AGPS: variants seen among roughly 807,000 people sequenced by gnomAD.
AGPS encodes alkyldihydroxyacetonephosphate synthase, peroxisomal.
A neutral mutation model predicts 90.7 loss-of-function variants in AGPS; 26 were observed. The ratio of observed to expected loss-of-function variants is 0.29; its 90% confidence interval spans 0.21 to 0.40. The LOEUF (loss-of-function observed/expected upper bound fraction) is 0.40, where lower values mean the gene tolerates loss of function less well. Ranked by LOEUF, AGPS falls within the 10% of genes least tolerant of loss-of-function variation. The pLI is 1.00. For synonymous variants in AGPS, 294 were observed against 285.3 expected, an observed-to-expected ratio of 1.03 and a Z score of -0.31; for missense variants, 540 against 816.1, an observed-to-expected ratio of 0.66 and a Z score of 4.12.
intron 2 of AGPS, among the ~76,000 whole-genome samples, chr2:177,422,534 C>G (rs1283636090): frequency 6.6e-6 from 1 of 152,074 alleles, no homozygotes; most frequent in Non-Finnish European, 1.5e-5. Flanking sequence ...ACTGGAAGAG[C>G]CTGCAAGGGA....
intron 17 of AGPS, among the ~76,000 whole-genome samples, chr2:177,516,745 A>C (rs896470028): frequency 6.6e-6 from 1 of 152,104 alleles, no homozygotes; most frequent in African/African-American, 2.4e-5. Flanking sequence ...AATGTTAGTG[A>C]TTCTCTTATG....
chr2:177,525,645 T>C (rs1026808219), intron 19 of AGPS, among the ~76,000 whole-genome samples: 3 of 152,178 alleles, frequency 2.0e-5, no homozygotes, highest in Non-Finnish European at 2.9e-5. Flanking sequence ...CTTTAGGTAA[T>C]TGGTTATTAG....
chr2:177,529,312 G>GA (rs946214647), intron 19 of AGPS, among the ~76,000 whole-genome samples: 1 of 151,484 alleles, frequency 6.6e-6, no homozygotes, highest in African/African-American at 2.4e-5. Flanking sequence ...CAAAAACTAA[G>GA]AAAAAAAACT....
intron 16 of AGPS, 147 bp from the exon 17 acceptor site, chr2:177,513,672 G>T: frequency 1.5e-6 from 1 of 650,390 alleles, no homozygotes; most frequent in Non-Finnish European, 2.7e-6. Context: ...AGTGATCAGG[G>T]CTCTTTTCCA....
At chr2:177,416,717 G>A (rs1669397250) in intron 1 of AGPS, among the ~76,000 whole-genome samples, 1 of 151,898 alleles carries the variant, frequency 6.6e-6, no homozygotes, top group Non-Finnish European at 1.5e-5. Context: ...TTGTAGTAGA[G>A]ATGGGGTTTC....
At chr2:177,476,159 C>G (rs1441066067) in intron 10 of AGPS, among the ~76,000 whole-genome samples, 1 of 151,464 alleles carries the variant, frequency 6.6e-6, no homozygotes, top group Non-Finnish European at 1.5e-5. Context: ...TATTGGTTTT[C>G]TATCCTTGAT....
At chr2:177,436,743 G>T (rs368566340) in intron 3 of AGPS, 21 bp from the exon 4 acceptor site, 20 of 1,608,332 alleles carry the variant, frequency 1.2e-5, no homozygotes, top group Non-Finnish European at 1.7e-5. Flanking sequence ...ATAAGTCAAA[G>T]AAATCAATTT....
chr2:177,462,516 G>A (rs1315260999), intron 9 of AGPS, among the ~76,000 whole-genome samples: 1 of 151,890 alleles, frequency 6.6e-6, no homozygotes, highest in African/African-American at 2.4e-5. Flanking sequence ...ACACAACTGT[G>A]GTCATTATTT....
Position 177,513,028 on chromosome 2 carries a change from A to G in AGPS, c.1608-791A>G, listed in dbSNP as rs1688923522. Among the ~76,000 whole-genome samples the G allele has an allele frequency of 2.0e-5, 3 of 152,090 alleles. No homozygotes were observed. The South Asian group carries it at 6.2e-4, about 32-fold the overall frequency. ...CCAACTAATTTTTTTGATTTTTAGT[A>G]GAGACAAGGTCTCACTATATTGCCC... is the stretch of plus-strand genomic sequence containing the variant. On this transcript the variant is annotated intron_variant, in intron 16 of 19. Coordinates refer to ENST00000264167, the MANE Select transcript of AGPS (RefSeq NM_003659.4).
intron 1 of AGPS, among the ~76,000 whole-genome samples, chr2:177,409,793 C>T (rs555161764): frequency 6.6e-6 from 1 of 152,084 alleles, no homozygotes; most frequent in Non-Finnish European, 1.5e-5. Flanking sequence ...TTTGAAGAAC[C>T]ATTTATACTT....
At chr2:177,464,363 T>C (rs1687385927) in intron 9 of AGPS, among the ~76,000 whole-genome samples, 1 of 152,232 alleles carries the variant, frequency 6.6e-6, no homozygotes, top group Admixed American at 6.5e-5. Flanking sequence ...TTTTAATACA[T>C]GTGGCTACAA....
At chr2:177,414,509 A>G (rs962181749) in intron 1 of AGPS, among the ~76,000 whole-genome samples, 9 of 152,156 alleles carry the variant, frequency 5.9e-5, no homozygotes, top group African/African-American at 2.2e-4. Context: ...GGCCTTAAAA[A>G]GTTTTTTAGA....
chr2:177,399,625 A>G (rs1489852867), intron 1 of AGPS, among the ~76,000 whole-genome samples: 1 of 152,150 alleles, frequency 6.6e-6, no homozygotes, highest in Non-Finnish European at 1.5e-5. Context: ...GTAGAGCCTA[A>G]CACATGCTAC....
In AGPS at chr2:177,458,126, A is replaced by G. The variant is rs531751512; in HGVS notation, c.871-3767A>G. On this transcript the variant is annotated intron_variant, in intron 8 of 19. Coordinates refer to ENST00000264167, the MANE Select transcript of AGPS (RefSeq NM_003659.4). ...TCAATAGATGCAGAAAAGGCCTTCA[A>G]TAAAATTCAACACCCCTTCATGCTA... 2.6e-5 allele frequency among the ~76,000 whole-genome samples: 4 copies of G among 152,352 alleles called. No homozygotes were observed. In the East Asian group the frequency reaches 5.8e-4, roughly 22 times the overall value.
At position 177,434,341 on chromosome 2, in the gene AGPS, G is replaced by T; in HGVS notation, c.365G>T (p.Gly122Val). 1 of 1,610,978 alleles carries T rather than the reference G, an allele frequency of 6.2e-7. No homozygotes were observed. Among genetic ancestry groups the T allele is most frequent in the Non-Finnish European group, 8.5e-7 (1 of 1,177,704 alleles). The part of the protein sequence containing the change: ...ELTGKRYPLS[G>V]MGLPTFKEWI... ...TTGTACCTTAGGTACCCTCTTAGTG[G>T]CATGGGTTTACCAACATTTAAAGAA... Residue 122 changes from glycine to valine, a missense_variant, in exon 3 of 20, where the codon GGC becomes GTC. Around this residue, in one of 2 missense-constraint regions of AGPS, gnomAD observed 405 missense variants for 692.1 expected, o/e 0.59. Transcript: ENST00000264167.
intron 1 of AGPS, among the ~76,000 whole-genome samples, chr2:177,414,842 C>T (rs144208403): frequency 6.6e-6 from 1 of 151,280 alleles, no homozygotes; most frequent in Non-Finnish European, 1.5e-5. Flanking sequence ...TCTAATTTTC[C>T]TCCATCTCTG....
At chr2:177,497,832 C>A in intron 13 of AGPS, 67 bp downstream of exon 13, 2 of 832,754 alleles carry the variant, frequency 2.4e-6, no homozygotes, top group Non-Finnish European at 3.9e-6. Flanking sequence ...TTTCTTCCCA[C>A]ATGCACCTAT....
At chr2:177,466,348 TGGTCC>T (rs1335415705) in intron 9 of AGPS, among the ~76,000 whole-genome samples, 1 of 152,230 alleles carries the variant, frequency 6.6e-6, no homozygotes, top group Admixed American at 6.5e-5. Context: ...TTGTGCTGAT[TGGTCC>T]ATGGGTGGTT....
chr2:177,526,996 A>G (rs1210990369), intron 19 of AGPS, among the ~76,000 whole-genome samples: 2 of 152,224 alleles, frequency 1.3e-5, no homozygotes, highest in Admixed American at 1.3e-4. Context: ...TAGTGCCAGA[A>G]TTTGAATTTG....
Sources: gnomAD v4.1 joint callset for allele counts (sites outside exome capture counted in the v4.1 genomes callset) on GRCh38, gnomAD v4.1.1 for gene constraint, gnomAD v4.1.1 regional missense constraint, MANE v1.5 for transcripts, NCBI Gene and HGNC (gene_info 2026-07-23, HGNC 2026-07-21) for gene names.